NFASC: variants seen among roughly 807,000 people sequenced by gnomAD.
NFASC encodes the protein neurofascin homolog.
In NFASC, 43 loss-of-function variants were observed where a neutral mutation model predicts 147.5. That is an observed-to-expected ratio of 0.29 (90% CI 0.23 to 0.38). The LOEUF (loss-of-function observed/expected upper bound fraction) is 0.38, where lower values mean the gene tolerates loss of function less well. NFASC is among the 10% of genes least tolerant of loss of function. NFASC has a pLI of 1.00. For missense variants in NFASC, 1,320 were observed against 1,689.0 expected (o/e 0.78, Z 3.83); for synonymous variants, 622 against 665.5 (o/e 0.93, Z 1.01).
At chr1:204,941,760 C>A (rs2149757806) in intron 2 of NFASC, among the ~76,000 whole-genome samples, 1 of 152,234 alleles carries the variant, frequency 6.6e-6, no homozygotes, top group Middle Eastern at 3.4e-3. Context: ...CCAGAGGGTC[C>A]CTCCTTGGGA....
chr1:204,847,084 T>C lies in NFASC; in HGVS notation c.-200+18302T>C, dbSNP rs570709605. ...GTTTTGGGTTGAGAGAACTCAGATG[T>C]GTATAAATTGACCTTGGTTATTTGC... On this transcript the variant is annotated intron_variant, in intron 1 of 29. Coordinates refer to ENST00000339876, the MANE Select transcript of NFASC (RefSeq NM_001005388.3). 2.0e-5 allele frequency among the ~76,000 whole-genome samples: 3 copies of C among 152,148 alleles called. No homozygotes were observed. In the South Asian group the frequency reaches 6.2e-4, roughly 32 times the overall value.
At chr1:204,925,129 C>T (rs2091259534) in intron 2 of NFASC, among the ~76,000 whole-genome samples, 1 of 152,178 alleles carries the variant, frequency 6.6e-6, no homozygotes, top group South Asian at 2.1e-4. Context: ...CTGCCTCAGC[C>T]TCCCAAAGTG....
intron 20 of NFASC, among the ~76,000 whole-genome samples, chr1:204,981,282 T>G (rs1315797224): frequency 1.3e-5 from 2 of 152,142 alleles, no homozygotes; most frequent in African/African-American, 4.8e-5. Context: ...CCTTAGAAAA[T>G]AAAGAGCAGA....
intron 1 of NFASC, among the ~76,000 whole-genome samples, chr1:204,876,184 A>G (rs1196216190): frequency 6.6e-6 from 1 of 152,136 alleles, no homozygotes; most frequent in African/African-American, 2.4e-5. Context: ...AAATGTAGTC[A>G]TTTTAGAGTA....
In NFASC at chr1:204,925,056, A is replaced by G. The variant is rs143261727; in HGVS notation, c.-91+4316A>G. On this transcript the variant is annotated intron_variant, in intron 2 of 29. Coordinates refer to ENST00000339876, the MANE Select transcript of NFASC (RefSeq NM_001005388.3). Reference sequence around the variant, plus strand: ...TGGCTGGCTAATTTTTGTATTTTTAATAGAGACAGGGTTTCACTGTGTTGG... The same window carrying G: ...TGGCTGGCTAATTTTTGTATTTTTAGTAGAGACAGGGTTTCACTGTGTTGG... Among the ~76,000 whole-genome samples, 236 of 152,140 alleles carry G rather than the reference A, an allele frequency of 1.6e-3. 8 individuals carry two copies. In the East Asian group the frequency reaches 0.034, roughly 22 times the overall value.
At chr1:204,864,509 C>T (rs905396330) in intron 1 of NFASC, among the ~76,000 whole-genome samples, 6 of 152,188 alleles carry the variant, frequency 3.9e-5, no homozygotes, top group Non-Finnish European at 5.9e-5. Flanking sequence ...CCAATTTCTC[C>T]ACATCCTCAC....
intron 23 of NFASC, 75 bp downstream of exon 23, chr1:204,988,881 T>A: frequency 7.1e-7 from 1 of 1,411,002 alleles, no homozygotes; most frequent in Non-Finnish European, 1.0e-6. Flanking sequence ...CTGAGATCTG[T>A]AGCTGGCTGC....
intron 1 of NFASC, among the ~76,000 whole-genome samples, chr1:204,841,400 G>C (rs943486876): frequency 6.6e-6 from 1 of 152,190 alleles, no homozygotes. Flanking sequence ...CTCCTTGTTT[G>C]GCTGTTGCTT....
chr1:204,974,251 A>G lies in NFASC; in HGVS notation c.1352A>G (p.Asp451Gly). 6.2e-7 allele frequency: 1 copy of G among 1,614,136 alleles called. No individual in the cohort carries two copies. The highest frequency in any genetic ancestry group is 8.5e-7 in the Non-Finnish European group (1 of 1,180,004). ...ATTCTTTACAACCGGACGCGGCTGG[A>G]CTGCCCTTTCTTTGGGTCTCCCATC... ...RVILYNRTRL[D>G]CPFFGSPIPT... Residue 451 changes from aspartate (D) to glycine (G), a missense_variant, in exon 13 of 30, where the codon GAC becomes GGC. Physicochemically the swap from Asp to Gly is moderately conservative, Grantham distance 94. Transcript: ENST00000339876.
chr1:204,877,056 TTATTTATA>T (rs2079121225), intron 1 of NFASC, among the ~76,000 whole-genome samples: 1 of 88,642 alleles, frequency 1.1e-5, no homozygotes, highest in Non-Finnish European at 1.8e-5. Flanking sequence ...TATAATATAT[TTATTTATA>T]TATTTATATA....
chr1:204,917,013 C>T (rs905843827), intron 1 of NFASC, among the ~76,000 whole-genome samples: 5 of 152,156 alleles, frequency 3.3e-5, no homozygotes, highest in Admixed American at 6.5e-5. Context: ...TTCAAGAGTT[C>T]AAGTCCAACC....
intron 21 of NFASC, chr1:204,985,956 C>T (rs1459609423): frequency 6.2e-7 from 1 of 1,613,874 alleles, no homozygotes; most frequent in Non-Finnish European, 8.5e-7. Context: ...CTGTGGGTGT[C>T]TCAGAAGAGA....
At chr1:205,003,600 G>A (rs1463158873) in intron 27 of NFASC, among the ~76,000 whole-genome samples, 1 of 152,172 alleles carries the variant, frequency 6.6e-6, no homozygotes, top group African/African-American at 2.4e-5. Flanking sequence ...AAGGGTAAGG[G>A]TGGGGAAAGA....
At chr1:204,885,020 A>C (rs548030851) in intron 1 of NFASC, among the ~76,000 whole-genome samples, 3 of 152,136 alleles carry the variant, frequency 2.0e-5, no homozygotes, top group Non-Finnish European at 4.4e-5. Flanking sequence ...CCAGTACTTT[A>C]AGAGGCTGAG....
At chr1:205,003,708 C>G (rs2096048575) in intron 27 of NFASC, among the ~76,000 whole-genome samples, 1 of 152,216 alleles carries the variant, frequency 6.6e-6, no homozygotes, top group Non-Finnish European at 1.5e-5. Context: ...AAAAAACACA[C>G]AGTGATTTAC....
chr1:205,009,741 G>A (rs1335231999), intron 28 of NFASC, 53 bp downstream of exon 28: 13 of 1,580,764 alleles, frequency 8.2e-6, no homozygotes, highest in South Asian at 6.8e-5. Context: ...CCACTTTCCC[G>A]TGAGTCTCCA....
intron 1 of NFASC, among the ~76,000 whole-genome samples, chr1:204,875,089 T>C (rs1031909390): frequency 6.6e-6 from 1 of 150,478 alleles, no homozygotes; most frequent in Non-Finnish European, 1.5e-5. Context: ...GTTGTTGTTG[T>C]TGTTGTTGTT....
chr1:204,926,406 ATTTTTTTTTTTTTTTT>A (rs1202294421), intron 2 of NFASC, among the ~76,000 whole-genome samples: 1 of 14,110 alleles, frequency 7.1e-5, no homozygotes, highest in Admixed American at 1.0e-3. Context: ...ATATATATAT[ATTTTTTTTTTTTTTTT>A]TTTTTTTTTT....
chr1:204,985,584 C>G (rs987978291), intron 21 of NFASC, among the ~76,000 whole-genome samples: 1 of 152,156 alleles, frequency 6.6e-6, no homozygotes, highest in Admixed American at 6.5e-5. Context: ...CCCTGAGCAA[C>G]CTGGTACCCA....
Sources: allele counts gnomAD v4.1 joint callset (sites outside exome capture counted in the v4.1 genomes callset), GRCh38; gene constraint gnomAD v4.1.1; transcripts MANE v1.5; gene names NCBI Gene and HGNC (gene_info 2026-07-23, HGNC 2026-07-21).